GRIK2: variants seen among roughly 807,000 people sequenced by gnomAD.
GRIK2 encodes glutamate ionotropic receptor kainate type subunit 2, also known as glutamate receptor ionotropic, kainate 2.
In GRIK2, 32 loss-of-function variants were observed where a neutral mutation model predicts 100.3. That is an observed-to-expected ratio of 0.32 (90% confidence interval 0.24 to 0.43). The LOEUF is 0.43. Ranked by LOEUF, GRIK2 falls within the 20% of genes least tolerant of loss-of-function variation. The probability of loss-of-function intolerance (pLI) is 1.00; values close to 1 mark genes in which losing one functional copy is unlikely to be tolerated. For missense variants in GRIK2, 843 were observed against 1,114.9 expected (o/e 0.76, Z 3.47); for synonymous variants, 417 against 389.4 (o/e 1.07, Z -0.83).
At chr6:101,423,688 T>C (rs1229327585) in intron 2 of GRIK2, among the ~76,000 whole-genome samples, 1 of 152,186 alleles carries the variant, frequency 6.6e-6, no homozygotes, top group Non-Finnish European at 1.5e-5. Context: ...GAACTTCTTA[T>C]ACAGTTTTGA....
chr6:101,551,277 CAG>C (rs755302499), intron 2 of GRIK2, among the ~76,000 whole-genome samples: 26 of 152,072 alleles, frequency 1.7e-4, no homozygotes, highest in Non-Finnish European at 3.4e-4. Flanking sequence ...CACTTGCAAA[CAG>C]AAATTTTAGG....
intron 14 of GRIK2, among the ~76,000 whole-genome samples, chr6:102,002,991 G>T (rs1415007203): frequency 1.3e-5 from 2 of 151,100 alleles, no homozygotes; most frequent in African/African-American, 4.8e-5. Flanking sequence ...AGGATTCTTT[G>T]ATTTTAATTG....
chr6:101,680,868 A>G (rs955548796), intron 5 of GRIK2, among the ~76,000 whole-genome samples: 1 of 152,182 alleles, frequency 6.6e-6, no homozygotes, highest in Non-Finnish European at 1.5e-5. Flanking sequence ...TCCGAATATT[A>G]TTGGTTTATA....
chr6:101,793,793 T>C (rs1258584793), intron 7 of GRIK2, among the ~76,000 whole-genome samples: 1 of 152,188 alleles, frequency 6.6e-6, no homozygotes, highest in Admixed American at 6.5e-5. Context: ...TTTTTGTTTG[T>C]CTGTGCCCTG....
At chr6:101,935,761 C>T (rs183454805) in intron 14 of GRIK2, among the ~76,000 whole-genome samples, 16 of 151,980 alleles carry the variant, frequency 1.1e-4, no homozygotes, top group South Asian at 2.1e-4. Context: ...TGAAAAAAAG[C>T]GCTATTTTAA....
chr6:101,496,633 G>T (rs1773463910), intron 2 of GRIK2, among the ~76,000 whole-genome samples: 3 of 152,114 alleles, frequency 2.0e-5, no homozygotes. Flanking sequence ...AAGTAATAAG[G>T]TTGGAGAGTA....
At chr6:101,435,365 A>G (rs774402457) in intron 2 of GRIK2, among the ~76,000 whole-genome samples, 24 of 149,842 alleles carry the variant, frequency 1.6e-4, no homozygotes, top group Non-Finnish European at 3.2e-4. Context: ...CCAATTAACT[A>G]CATTGTGAAG....
chr6:101,892,521 G>T (rs12203827), intron 12 of GRIK2, among the ~76,000 whole-genome samples: 17,951 of 148,610 alleles, frequency 0.12, 1,173 homozygotes, highest in Middle Eastern at 0.21. Flanking sequence ...TAATGTACCA[G>T]TTTTTTTTTT....
At chr6:101,538,480 A>G (rs893711385) in intron 2 of GRIK2, among the ~76,000 whole-genome samples, 1 of 151,728 alleles carries the variant, frequency 6.6e-6, no homozygotes, top group African/African-American at 2.4e-5. Context: ...TAGACATTAT[A>G]TTCTTGACTT....
intron 11 of GRIK2, among the ~76,000 whole-genome samples, chr6:101,880,374 C>A (rs1786162991): frequency 6.6e-6 from 1 of 152,034 alleles, no homozygotes; most frequent in Non-Finnish European, 1.5e-5. Context: ...CTTCTCCTAA[C>A]CACTCCACTG....
chr6:101,844,411 G>T (rs1783688412), intron 10 of GRIK2, among the ~76,000 whole-genome samples: 1 of 152,160 alleles, frequency 6.6e-6, no homozygotes, highest in Non-Finnish European at 1.5e-5. Context: ...TGAATAATAG[G>T]AGAATAAATT....
At position 101,487,335 on chromosome 6, in the gene GRIK2, C is replaced by T. The variant is rs945309004; in HGVS notation, c.115+87943C>T. Among the ~76,000 whole-genome samples the T allele has an allele frequency of 6.1e-5, 9 of 146,428 alleles. 1 individual carries two copies. The highest frequency in any genetic ancestry group is 1.1e-4 in the Non-Finnish European group (7 of 66,568). On this transcript the variant is annotated intron_variant, in intron 2 of 16. Transcript: ENST00000369134. ...TGACCATTCTAGGACGGCTGCTTCT[C>T]ACCAGCCTTACAAATGTGTGCAAAT...
intron 10 of GRIK2, among the ~76,000 whole-genome samples, chr6:101,844,054 G>C (rs1466863289): frequency 6.6e-6 from 1 of 151,892 alleles, no homozygotes; most frequent in Non-Finnish European, 1.5e-5. Flanking sequence ...TGATTAAATA[G>C]ATACTAATAT....
At chr6:101,846,389 C>T (rs1240134733) in intron 10 of GRIK2, among the ~76,000 whole-genome samples, 1 of 151,946 alleles carries the variant, frequency 6.6e-6, no homozygotes, top group Non-Finnish European at 1.5e-5. Context: ...TTTTAGTTGT[C>T]CCAATGCCCT....
intron 14 of GRIK2, among the ~76,000 whole-genome samples, chr6:102,017,976 A>C (rs1435134817): frequency 6.6e-6 from 1 of 152,148 alleles, no homozygotes; most frequent in Non-Finnish European, 1.5e-5. Context: ...CATAGTTTTT[A>C]GGCGTTCTTG....
intron 2 of GRIK2, among the ~76,000 whole-genome samples, chr6:101,406,338 C>T (rs916270088): frequency 1.1e-4 from 17 of 151,960 alleles, no homozygotes; most frequent in Non-Finnish European, 1.9e-4. Flanking sequence ...TTAATTTAAA[C>T]TCTTTATTTT....
At chr6:101,496,108 GC>G (rs1458791237) in intron 2 of GRIK2, among the ~76,000 whole-genome samples, 2 of 151,954 alleles carry the variant, frequency 1.3e-5, no homozygotes, top group African/African-American at 2.4e-5. Context: ...ACCACACCTG[GC>G]TAATTTTTTA....
chr6:102,034,121 C>A (rs1377278437), intron 14 of GRIK2, among the ~76,000 whole-genome samples: 1 of 151,276 alleles, frequency 6.6e-6, no homozygotes, highest in Non-Finnish European at 1.5e-5. Context: ...CAGTGTTTCA[C>A]TGGGGAGCAA....
At chr6:101,961,826 A>G (rs937086879) in intron 14 of GRIK2, among the ~76,000 whole-genome samples, 1 of 152,036 alleles carries the variant, frequency 6.6e-6, no homozygotes, top group African/African-American at 2.4e-5. Flanking sequence ...GTCCAAGTAG[A>G]TTCTAAGGAA....
Sources: allele counts gnomAD v4.1 joint callset (sites outside exome capture counted in the v4.1 genomes callset), GRCh38; gene constraint gnomAD v4.1.1; transcripts MANE v1.5; gene names NCBI Gene and HGNC (gene_info 2026-07-23, HGNC 2026-07-21).